The following DYNC2H1 variants were observed in gnomAD, a reference collection of about 807,000 sequenced individuals.
The protein encoded by DYNC2H1 is dynein cytoplasmic 2 heavy chain 1, also known as cytoplasmic dynein 2 heavy chain 1.
DYNC2H1 carries 410 observed loss-of-function variants against 570.0 expected under a neutral mutation model. The ratio of observed to expected loss-of-function variants is 0.72; its 90% CI spans 0.66 to 0.78. The LOEUF (loss-of-function observed/expected upper bound fraction) is 0.78, where lower values mean the gene tolerates loss of function less well. Ranked by LOEUF, DYNC2H1 falls within the 30% of genes least tolerant of loss-of-function variation. The pLI, the probability that DYNC2H1 is intolerant of heterozygous loss-of-function variation, is 0.00. For synonymous variants in DYNC2H1, 1,688 were observed against 1,677.6 expected, an observed-to-expected ratio of 1.01 and a Z score of -0.15; for missense variants, 4,865 against 5,046.4, an observed-to-expected ratio of 0.96 and a Z score of 1.09.
intron 17 of DYNC2H1, among the ~76,000 whole-genome samples, chr11:103,140,637 C>T (rs1417739924): frequency 4.6e-5 from 7 of 151,098 alleles, no homozygotes; most frequent in Admixed American, 3.9e-4. Flanking sequence ...TCTGGCTGCC[C>T]TTTTTTCCTT....
At chr11:103,309,168 A>ATT (rs386374721) in intron 78 of DYNC2H1, among the ~76,000 whole-genome samples, 2,427 of 54,594 alleles carry the variant, frequency 0.044, 604 homozygotes, top group East Asian at 0.22. Context: ...ACTGCATGCT[A>ATT]TTTTTTTTTT....
At chr11:103,315,082 T>C (rs1591565367) in intron 79 of DYNC2H1, among the ~76,000 whole-genome samples, 1 of 148,952 alleles carries the variant, frequency 6.7e-6, no homozygotes, top group African/African-American at 2.5e-5. Flanking sequence ...TTTCATAATA[T>C]CCACAATGTT....
intron 59 of DYNC2H1, among the ~76,000 whole-genome samples, chr11:103,223,582 T>TGG (rs111914213): frequency 0.18 from 26,530 of 151,530 alleles, 3,019 homozygotes; most frequent in African/African-American, 0.32. Flanking sequence ...GAGACTAAAA[T>TGG]AACATGTTGG....
In DYNC2H1 at chr11:103,220,839, C is replaced by T. The variant is rs567369921; in HGVS notation, c.9107+56C>T. 2.2e-5 allele frequency: 32 copies of T among 1,484,932 alleles called. No individual in the cohort carries two copies. The African/African-American group carries it at 2.2e-4, about 10-fold the overall frequency. 92.0% of individuals were successfully genotyped at this position (1,484,932 alleles called of 1,614,324 possible). ...TTCGGCAATGAATGACACATTCTTT[C>T]GTAGTTTTAAATATTTCTTATATTG... is the stretch of plus-strand genomic sequence containing the variant. On this transcript the variant is annotated intron_variant, in intron 57 of 88. Coordinates refer to ENST00000375735, the MANE Select transcript of DYNC2H1 (RefSeq NM_001377.3).
intron 87 of DYNC2H1, among the ~76,000 whole-genome samples, chr11:103,460,053 T>C (rs991901848): frequency 1.3e-5 from 2 of 151,884 alleles, no homozygotes; most frequent in African/African-American, 2.4e-5. Flanking sequence ...GGGGTTTTGC[T>C]ATGTGGCCCA....
intron 10 of DYNC2H1, 114 bp downstream of exon 10, chr11:103,121,610 C>G: frequency 8.5e-7 from 1 of 1,183,328 alleles, no homozygotes. Context: ...CTTGGCATGT[C>G]TGTCTAATTT....
chr11:103,418,128 A>G (rs1486084533), intron 84 of DYNC2H1, among the ~76,000 whole-genome samples: 2 of 152,160 alleles, frequency 1.3e-5, no homozygotes, highest in African/African-American at 4.8e-5. Flanking sequence ...GGAATGAGGC[A>G]TTAAGCTCCA....
intron 65 of DYNC2H1, among the ~76,000 whole-genome samples, chr11:103,251,770 T>C (rs1415699037): frequency 6.6e-6 from 1 of 152,178 alleles, no homozygotes; most frequent in African/African-American, 2.4e-5. Context: ...AAGCAGTAAT[T>C]TTCTTTCTGT....
At chr11:103,248,253 C>A (rs1344220016) in intron 65 of DYNC2H1, among the ~76,000 whole-genome samples, 2 of 151,874 alleles carry the variant, frequency 1.3e-5, no homozygotes, top group Non-Finnish European at 1.5e-5. Context: ...GAGTGGTATG[C>A]AATACAATGT....
intron 75 of DYNC2H1, among the ~76,000 whole-genome samples, chr11:103,300,737 T>C (rs1867012250): frequency 6.6e-6 from 1 of 151,944 alleles, no homozygotes; most frequent in Non-Finnish European, 1.5e-5. Context: ...TTTACTAGGC[T>C]CTGGATAATA....
At chr11:103,123,105 C>A in intron 11 of DYNC2H1, 105 bp downstream of exon 11, 1 of 950,946 alleles carries the variant, frequency 1.1e-6, no homozygotes, top group Non-Finnish European at 1.4e-6. Context: ...CTTGCTACTC[C>A]TCCTGTAATT....
intron 31 of DYNC2H1, among the ~76,000 whole-genome samples, chr11:103,167,752 C>T (rs989909084): frequency 6.6e-6 from 1 of 152,146 alleles, no homozygotes; most frequent in Non-Finnish European, 1.5e-5. Flanking sequence ...TTGTTTAAAT[C>T]CTCTGGAGAA....
At chr11:103,141,515 G>A (rs1859928246) in intron 17 of DYNC2H1, among the ~76,000 whole-genome samples, 2 of 152,168 alleles carry the variant, frequency 1.3e-5, no homozygotes, top group Non-Finnish European at 2.9e-5. Context: ...CTACAGAACA[G>A]CAGATTTTCG....
intron 70 of DYNC2H1, among the ~76,000 whole-genome samples, chr11:103,272,037 T>G (rs1865729008): frequency 2.0e-5 from 3 of 152,210 alleles, no homozygotes. Flanking sequence ...GATCTAGAAC[T>G]AGAAATACCA....
intron 83 of DYNC2H1, among the ~76,000 whole-genome samples, chr11:103,367,239 G>A (rs1185566953): frequency 2.0e-5 from 3 of 151,998 alleles, no homozygotes; most frequent in Non-Finnish European, 4.4e-5. Context: ...TTTAAAAAAT[G>A]TATTTCATTG....
intron 87 of DYNC2H1, among the ~76,000 whole-genome samples, chr11:103,458,168 G>C (rs952642113): frequency 2.6e-5 from 4 of 152,242 alleles, no homozygotes; most frequent in Non-Finnish European, 2.9e-5. Flanking sequence ...GCCCTGAACA[G>C]GTATAGGATT....
In DYNC2H1 at chr11:103,312,556, AAAAAAAAAAAC is replaced by A. The variant is rs1867646211; in HGVS notation, c.11649+524_11649+534del. ...GACTCTGCCTCAAAAAAAAAAAAAA[AAAAAAAAAAAC>A]CAATTGTAATGTAGTATAAATAGCT... On this transcript the variant is annotated intron_variant, in intron 79 of 88. Coordinates refer to ENST00000375735, the MANE Select transcript of DYNC2H1 (RefSeq NM_001377.3). Among the ~76,000 whole-genome samples, 4 of 133,780 alleles carry A rather than the reference AAAAAAAAAAAC, an allele frequency of 3.0e-5. No individual in the cohort carries two copies. The South Asian group carries it at 7.3e-4, about 25-fold the overall frequency. 87.8% of individuals were successfully genotyped at this position (133,780 alleles called of 152,430 possible).
At chr11:103,399,628 A>G in intron 83 of DYNC2H1, 35 bp from the exon 84 acceptor site, 1 of 1,454,982 alleles carries the variant, frequency 6.9e-7, no homozygotes, top group Non-Finnish European at 9.5e-7. Context: ...GATCTGTGTT[A>G]CTATTCGGTA....
At chr11:103,344,306 C>A (rs191200628) in intron 82 of DYNC2H1, among the ~76,000 whole-genome samples, 2 of 152,158 alleles carry the variant, frequency 1.3e-5, no homozygotes. Flanking sequence ...TAGACATTTT[C>A]GTATTGTATA....
Sources: gnomAD v4.1 joint callset for allele counts (sites outside exome capture counted in the v4.1 genomes callset) on GRCh38, gnomAD v4.1.1 for gene constraint, MANE v1.5 for transcripts, NCBI Gene and HGNC (gene_info 2026-07-23, HGNC 2026-07-21) for gene names.